Variants in PRKG1 observed in about 807,000 individuals in gnomAD.
The protein encoded by PRKG1 is protein kinase cGMP-dependent 1.
PRKG1 carries 35 observed loss-of-function variants against 88.1 expected under a neutral mutation model. The ratio of observed to expected loss-of-function variants is 0.40; its 90% CI spans 0.30 to 0.53. The LOEUF (loss-of-function observed/expected upper bound fraction) is 0.53, where lower values mean the gene tolerates loss of function less well. Among genes scored for constraint, PRKG1 ranks in the 20% least tolerant of loss-of-function variants. PRKG1 has a pLI of 0.59. For missense variants in PRKG1, 540 were observed against 839.8 expected, an observed-to-expected ratio of 0.64 and a Z score of 4.41; for synonymous variants, 303 against 292.5, an observed-to-expected ratio of 1.04 and a Z score of -0.37.
chr10:52,032,080 G>A (rs535785083), intron 5 of PRKG1, among the ~76,000 whole-genome samples: 39 of 152,276 alleles, frequency 2.6e-4, no homozygotes, highest in African/African-American at 8.4e-4. Context: ...AAGTTTTTGA[G>A]CATGAGTTGT....
At position 51,683,221 on chromosome 10, in the gene PRKG1, C is replaced by T. The variant is rs72797348; in HGVS notation, c.593-121364C>T. Among the ~76,000 whole-genome samples, 1,038 of 152,150 alleles carry T rather than the reference C, an allele frequency of 6.8e-3. 8 individuals carry two copies. The highest frequency in any genetic ancestry group is 0.017 in the Middle Eastern group (5 of 292). The stretch of plus-strand genomic sequence containing the variant: ...CACAATGAGGCCAGGCACGGTGGCT[C>T]GTGCTAATCCCAGCACTTTGGGAGG... On this transcript the variant is annotated intron_variant, in intron 3 of 17. Transcript: ENST00000373980.
intron 7 of PRKG1, among the ~76,000 whole-genome samples, chr10:52,121,187 G>A (rs1170952261): frequency 1.3e-5 from 2 of 152,112 alleles, no homozygotes; most frequent in Non-Finnish European, 2.9e-5. Context: ...AACAAATCAT[G>A]AGGCCTTTAG....
intron 2 of PRKG1, among the ~76,000 whole-genome samples, chr10:51,168,425 T>C (rs1380824052): frequency 1.3e-5 from 2 of 152,154 alleles, no homozygotes; most frequent in African/African-American, 4.8e-5. Context: ...AAATGTATTA[T>C]TTAACATGTA....
intron 2 of PRKG1, among the ~76,000 whole-genome samples, chr10:51,244,319 T>TA (rs1235972732): frequency 1.3e-5 from 2 of 151,738 alleles, no homozygotes; most frequent in Non-Finnish European, 2.9e-5. Context: ...TTTTTTTTTT[T>TA]TTTTTTACCA....
intron 2 of PRKG1, among the ~76,000 whole-genome samples, chr10:51,359,299 T>C (rs1053744413): frequency 4.6e-5 from 7 of 151,886 alleles, no homozygotes; most frequent in Non-Finnish European, 1.0e-4. Context: ...AAAAGTTTTA[T>C]GGTTAGACCT....
At chr10:51,643,188 A>AT (rs1839841375) in intron 3 of PRKG1, among the ~76,000 whole-genome samples, 1 of 152,172 alleles carries the variant, frequency 6.6e-6, no homozygotes, top group East Asian at 1.9e-4. Flanking sequence ...CAGGTGTCAT[A>AT]TTTGAGAATA....
At chr10:51,228,168 C>T (rs967984048) in intron 2 of PRKG1, among the ~76,000 whole-genome samples, 1 of 152,100 alleles carries the variant, frequency 6.6e-6, no homozygotes, top group Non-Finnish European at 1.5e-5. Context: ...GTTTATGTCT[C>T]GATTATTCTT....
At chr10:51,278,533 C>G (rs1411571653) in intron 2 of PRKG1, among the ~76,000 whole-genome samples, 3 of 152,106 alleles carry the variant, frequency 2.0e-5, no homozygotes, top group African/African-American at 7.2e-5. Context: ...GGAATGGTAC[C>G]AGCTCCTCCT....
chr10:51,375,424 G>GTT (rs1842796971), intron 2 of PRKG1, among the ~76,000 whole-genome samples: 7 of 144,726 alleles, frequency 4.8e-5, no homozygotes, highest in Middle Eastern at 3.4e-3. Context: ...TTGGATTTGG[G>GTT]GTTTTTTTTT....
At chr10:52,201,979 G>A (rs368987353) in intron 9 of PRKG1, among the ~76,000 whole-genome samples, 11 of 151,986 alleles carry the variant, frequency 7.2e-5, no homozygotes, top group African/African-American at 1.4e-4. Flanking sequence ...TTTTATAGAC[G>A]TAAAATCATA....
chr10:52,023,208 T>A (rs185988798), intron 5 of PRKG1, among the ~76,000 whole-genome samples: 248 of 152,280 alleles, frequency 1.6e-3, no homozygotes, highest in Non-Finnish European at 2.7e-3. Flanking sequence ...GAATGATGGT[T>A]TCCAGCTTCA....
At chr10:51,858,350 A>AAT (rs1338760967) in intron 4 of PRKG1, among the ~76,000 whole-genome samples, 1 of 39,516 alleles carries the variant, frequency 2.5e-5, no homozygotes, top group Non-Finnish European at 5.2e-5. Context: ...TATTATATAA[A>AAT]ATATATATAT....
chr10:51,224,037 G>T lies in PRKG1; in HGVS notation c.478+70707G>T, dbSNP rs138311727. On this transcript the variant is annotated intron_variant, in intron 2 of 17. Coordinates refer to ENST00000373980, the MANE Select transcript of PRKG1 (RefSeq NM_006258.4). ...TTGTGTAAAAAAGAAGCAAGCATAA[G>T]GACACATAGACCAGAATAGAGAGGA... 1.3e-4 allele frequency among the ~76,000 whole-genome samples: 20 copies of T among 152,182 alleles called. No homozygotes were observed. In the East Asian group the frequency reaches 3.5e-3, roughly 27 times the overall value.
At chr10:51,126,200 GTTATTTA>G (rs1473486996) in intron 1 of PRKG1, among the ~76,000 whole-genome samples, 2 of 113,244 alleles carry the variant, frequency 1.8e-5, no homozygotes, top group South Asian at 2.7e-4. Context: ...TTATTTATAT[GTTATTTA>G]TAATTATTTA....
intron 2 of PRKG1, among the ~76,000 whole-genome samples, chr10:51,376,523 T>A (rs1842820071): frequency 6.6e-6 from 1 of 152,254 alleles, no homozygotes; most frequent in Non-Finnish European, 1.5e-5. Context: ...ACTTCTGAGA[T>A]AATACCTTTT....
chr10:51,125,862 A>G (rs1343887921), intron 1 of PRKG1, among the ~76,000 whole-genome samples: 1 of 139,942 alleles, frequency 7.1e-6, no homozygotes, highest in African/African-American at 2.6e-5. Context: ...AATTATAACT[A>G]TATAATTTTT....
At chr10:52,161,991 T>C in intron 9 of PRKG1, 28 bp downstream of exon 9, 1 of 1,578,318 alleles carries the variant, frequency 6.3e-7, no homozygotes, top group Non-Finnish European at 8.7e-7. Context: ...TTAATTTTGA[T>C]TGCAAAATGA....
At chr10:51,167,330 A>G (rs1846574214) in intron 2 of PRKG1, among the ~76,000 whole-genome samples, 2 of 152,132 alleles carry the variant, frequency 1.3e-5, no homozygotes, top group Non-Finnish European at 2.9e-5. Context: ...AACACAATAG[A>G]AAGGCAGTAA....
chr10:52,014,444 C>T lies in PRKG1; in HGVS notation c.763-40040C>T, dbSNP rs115540461. ...GGAAACAGCCTCCATGATCCAATCA[C>T]CCCCATCAGGTCTTGTCCTCAACAC... On this transcript the variant is annotated intron_variant, in intron 5 of 17. Transcript: ENST00000373980. Among the ~76,000 whole-genome samples the T allele has an allele frequency of 5.0e-3, 760 of 152,268 alleles. 4 individuals carry two copies. The highest frequency in any genetic ancestry group is 0.017 in the African/African-American group (701 of 41,556).
Sources: allele counts gnomAD v4.1 joint callset (sites outside exome capture counted in the v4.1 genomes callset), GRCh38; gene constraint gnomAD v4.1.1; transcripts MANE v1.5; gene names NCBI Gene and HGNC (gene_info 2026-07-23, HGNC 2026-07-21).